The following SCMH1 variants were observed in gnomAD, a reference collection of about 807,000 sequenced individuals.
SCMH1 encodes the protein polycomb protein SCMH1.
In SCMH1, 37 loss-of-function variants were observed where a neutral mutation model predicts 70.8. The ratio of observed to expected loss-of-function variants is 0.52; its 90% CI spans 0.40 to 0.69. SCMH1 has a LOEUF of 0.69. Ranked by LOEUF, SCMH1 falls within the 30% of genes least tolerant of loss-of-function variation. The pLI is 0.00. For missense variants in SCMH1, 607 were observed against 827.3 expected, an observed-to-expected ratio of 0.73 and a Z score of 3.27; for synonymous variants, 292 against 307.4, an observed-to-expected ratio of 0.95 and a Z score of 0.52.
intron 8 of SCMH1, among the ~76,000 whole-genome samples, chr1:41,111,888 T>C (rs1669328763): frequency 6.6e-6 from 1 of 152,220 alleles, no homozygotes; most frequent in Admixed American, 6.5e-5. Flanking sequence ...CAAAGAACTT[T>C]TGTGAATGAT....
chr1:41,156,684 C>A (rs540946379), intron 4 of SCMH1, among the ~76,000 whole-genome samples: 12 of 152,262 alleles, frequency 7.9e-5, no homozygotes, highest in Non-Finnish European at 1.5e-4. Flanking sequence ...AGTGATCTAA[C>A]TGCCTCGGCC....
At chr1:41,203,828 G>A (rs959121603) in intron 1 of SCMH1, among the ~76,000 whole-genome samples, 5 of 152,184 alleles carry the variant, frequency 3.3e-5, no homozygotes, top group East Asian at 1.9e-4. Flanking sequence ...TTAGTTAATC[G>A]AATATCTATA....
At chr1:41,078,433 A>AGAAAAC (rs1659019690) in intron 8 of SCMH1, among the ~76,000 whole-genome samples, 1 of 152,186 alleles carries the variant, frequency 6.6e-6, no homozygotes, top group Non-Finnish European at 1.5e-5. Context: ...AAAAATACAA[A>AGAAAAC]GAAAACGATA....
At chr1:41,193,076 C>T (rs1359568158) in intron 1 of SCMH1, among the ~76,000 whole-genome samples, 1 of 152,224 alleles carries the variant, frequency 6.6e-6, no homozygotes, top group African/African-American at 2.4e-5. Flanking sequence ...TAGATTTGGC[C>T]TGTGGGCCAT....
chr1:41,214,836 C>T (rs1185078341), intron 1 of SCMH1, among the ~76,000 whole-genome samples: 1 of 152,072 alleles, frequency 6.6e-6, no homozygotes, highest in Non-Finnish European at 1.5e-5. Flanking sequence ...TTGGGAAATC[C>T]TGAAATATGG....
intron 12 of SCMH1, among the ~76,000 whole-genome samples, chr1:41,038,801 G>A (rs1645682779): frequency 6.6e-6 from 1 of 152,114 alleles, no homozygotes; most frequent in Non-Finnish European, 1.5e-5. Flanking sequence ...TGACTAACAG[G>A]GTCCCATTTT....
chr1:41,117,301 G>A (rs1363919834), intron 6 of SCMH1, among the ~76,000 whole-genome samples: 5 of 152,008 alleles, frequency 3.3e-5, no homozygotes, highest in Non-Finnish European at 5.9e-5. Flanking sequence ...GATAGGAGCT[G>A]AGGGGACATA....
rs190361592 is a variant in SCMH1, at chr1:41,210,789, T to C, written c.-117-24539A>G. 1.5e-4 allele frequency among the ~76,000 whole-genome samples: 23 copies of C among 151,886 alleles called. 1 individual carries two copies. The East Asian group carries it at 3.7e-3, about 24-fold the overall frequency. On this transcript the variant is annotated intron_variant, in intron 1 of 14. Transcript: ENST00000337495. ...AACCTAGGCAATACCATTCAGGATATAGGCATGGGCAAAGACTTCATGACT... is the reference window on the plus strand; with the variant it reads ...AACCTAGGCAATACCATTCAGGATACAGGCATGGGCAAAGACTTCATGACT...
At chr1:41,105,262 C>A (rs1351128144) in intron 8 of SCMH1, among the ~76,000 whole-genome samples, 6 of 152,032 alleles carry the variant, frequency 3.9e-5, no homozygotes, top group Admixed American at 6.6e-5. Context: ...CTGTGCCTGG[C>A]CTTAAATAGC....
chr1:41,163,541 T>A (rs1646212567), intron 2 of SCMH1, among the ~76,000 whole-genome samples: 1 of 152,106 alleles, frequency 6.6e-6, no homozygotes, highest in Admixed American at 6.5e-5. Context: ...TAAAATGAGG[T>A]CACTAAGGTG....
At chr1:41,101,192 A>G (rs531157606) in intron 8 of SCMH1, among the ~76,000 whole-genome samples, 2 of 152,340 alleles carry the variant, frequency 1.3e-5, no homozygotes, top group South Asian at 4.1e-4. Flanking sequence ...GGGAAAGCAT[A>G]TTTCAGCTTA....
chr1:41,146,050 A>G (rs910717837), intron 5 of SCMH1, among the ~76,000 whole-genome samples: 2 of 152,198 alleles, frequency 1.3e-5, no homozygotes, highest in Non-Finnish European at 2.9e-5. Context: ...TTCCAGAAGA[A>G]GGCATTGTTA....
chr1:41,161,365 T>C, exon 3 of SCMH1: 1 of 1,549,734 alleles, frequency 6.5e-7, no homozygotes, highest in African/African-American at 1.4e-5. Flanking sequence ...CCCCCTTACC[T>C]TGATATTGGG....
chr1:41,029,242 G>A (rs974953844), intron 13 of SCMH1, among the ~76,000 whole-genome samples: 15 of 152,258 alleles, frequency 9.9e-5, no homozygotes, highest in Middle Eastern at 3.4e-3. Flanking sequence ...ATGGAGTCTC[G>A]CTCTGTCACC....
At position 41,217,604 on chromosome 1, in the gene SCMH1, T is replaced by A. The variant is rs758912479; in HGVS notation, c.-118+24455A>T. On this transcript the variant is annotated intron_variant, in intron 1 of 14. Transcript: ENST00000337495. ...ATATGTGGAGAACATTCTTGTTAGA[T>A]GGATTGGACCTGCATTGCACAGGAG... Among the ~76,000 whole-genome samples the A allele has an allele frequency of 2.0e-5, 3 of 152,206 alleles. No homozygotes were observed. The East Asian group carries it at 5.8e-4, about 29-fold the overall frequency.
intron 1 of SCMH1, among the ~76,000 whole-genome samples, chr1:41,193,530 G>A (rs1039046533): frequency 2.0e-5 from 3 of 152,246 alleles, no homozygotes; most frequent in Admixed American, 2.0e-4. Flanking sequence ...GGGTTGGGGG[G>A]GGGTTGAGGA....
At position 41,046,418 on chromosome 1, in the gene SCMH1, C is replaced by T. The variant is rs763483250; in HGVS notation, c.1487G>A (p.Arg496Lys). 14 of 1,613,956 alleles carry T rather than the reference C, an allele frequency of 8.7e-6. No homozygotes were observed. The Admixed American group carries it at 1.0e-4, about 12-fold the overall frequency. ...ATCCCAGCTCCTACCTGGTAGGTAC[C>T]TGTCGTGGCTGTGGCTGTACTCTAT... The change falls in exon 12 of 15, where the codon AGG becomes AAG. Residue 496 changes from arginine (R) to lysine (K), a missense_variant. Physicochemically the swap from Arg to Lys is conservative, Grantham distance 26 (BLOSUM62 2). This residue lies in a region of SCMH1 where 430 missense variants were observed against 528.2 expected (regional missense o/e 0.81). Coordinates refer to ENST00000337495, the Ensembl canonical transcript of SCMH1.
chr1:41,123,135 T>C (rs1473118715), intron 6 of SCMH1, among the ~76,000 whole-genome samples: 1 of 152,170 alleles, frequency 6.6e-6, no homozygotes, highest in East Asian at 1.9e-4. Context: ...GCAGGATGAC[T>C]GCTGTAGCCT....
At chr1:41,179,661 C>T (rs980695672) in intron 2 of SCMH1, among the ~76,000 whole-genome samples, 1 of 152,152 alleles carries the variant, frequency 6.6e-6, no homozygotes, top group South Asian at 2.1e-4. Context: ...AAGACTAAAC[C>T]AGGAAGAAGT....
Sources: allele counts gnomAD v4.1 joint callset (sites outside exome capture counted in the v4.1 genomes callset), GRCh38; gene constraint gnomAD v4.1.1; regional missense constraint gnomAD v4.1.1; transcripts MANE v1.5; gene names NCBI Gene and HGNC (gene_info 2026-07-23, HGNC 2026-07-21).